The following DYNC1H1 variants were observed in gnomAD, a reference collection of about 807,000 sequenced individuals.
DYNC1H1 encodes cytoplasmic dynein 1 heavy chain 1.
A neutral mutation model predicts 527.1 loss-of-function variants in DYNC1H1; 51 were observed. That is an observed-to-expected ratio of 0.10 (90% CI 0.08 to 0.12). The LOEUF is 0.12. Among genes scored for constraint, DYNC1H1 ranks in the 10% least tolerant of loss-of-function variants. The pLI is 1.00. For synonymous variants in DYNC1H1, 2,189 were observed against 2,278.8 expected, an observed-to-expected ratio of 0.96 and a Z score of 1.12; for missense variants, 2,771 against 5,971.8, an observed-to-expected ratio of 0.46 and a Z score of 17.66.
Position 102,050,874 on chromosome 14 carries a change from C to T in DYNC1H1, c.*311C>T, listed in dbSNP as rs780123419. On this transcript the variant is annotated 3_prime_UTR_variant, in exon 78 of 78. Coordinates refer to ENST00000360184, the MANE Select transcript of DYNC1H1 (RefSeq NM_001376.5). ...CATGCTGCCCAGGGAGGGCAGCCCA[C>T]GGCAGCCATGCCCCTCCCCACCTCG... The T allele has an allele frequency of 6.4e-5, 25 of 392,082 alleles. No individual in the cohort carries two copies. In the Admixed American group the frequency reaches 7.7e-4, roughly 12 times the overall value. 24.3% of individuals were successfully genotyped at this position (392,082 alleles called of 1,614,324 possible). A position where few individuals can be genotyped will look rare whatever the true frequency, so the allele number is the denominator to read the frequency against.
At position 102,029,388 on chromosome 14, in the gene DYNC1H1, T is replaced by TCTAAGTCG; in HGVS notation, c.9469-151_9469-150insCTAAGTCG. 1 of 938,978 alleles carries TCTAAGTCG rather than the reference T, an allele frequency of 1.1e-6. No individual in the cohort carries two copies. The highest frequency in any genetic ancestry group is 1.6e-6 in the Non-Finnish European group (1 of 610,878). The allele number at this position is 938,978 out of a possible 1,614,324, so 58.2% of individuals were successfully genotyped here. The stretch of plus-strand genomic sequence containing the variant: ...TAAGGGGTATCTCGAAAGCTCTAAG[T>TCTAAGTCG]GGCTAAGCTGAGGCCCGACTCGAGT... On this transcript the variant is annotated intron_variant, in intron 48 of 77. Coordinates refer to ENST00000360184, the MANE Select transcript of DYNC1H1 (RefSeq NM_001376.5). This position sits in a 1 kb window ranked among gnomAD's most constrained non-coding sequence, Gnocchi z 5.3.
Position 102,051,128 on chromosome 14 carries a change from A to C in DYNC1H1, c.*565A>C. ...GAAATTAAATCAGGTGTGGTGGTGC[A>C]TGCCTGTAGTCCCAGCTACTTGAGG... On this transcript the variant is annotated 3_prime_UTR_variant, in exon 78 of 78. Coordinates refer to ENST00000360184, the MANE Select transcript of DYNC1H1 (RefSeq NM_001376.5). The C allele has an allele frequency of 5.1e-6, 1 of 196,274 alleles. No individual in the cohort carries two copies. The highest frequency in any genetic ancestry group is 9.7e-5 in the South Asian group (1 of 10,258). The allele number at this position is 196,274 out of a possible 1,614,324, so 12.2% of individuals were successfully genotyped here.
In DYNC1H1 at chr14:102,041,511, CAGGGG is replaced by C; in HGVS notation, c.11942-58_11942-54del. On this transcript the variant is annotated intron_variant, in intron 64 of 77. Coordinates refer to ENST00000360184, the MANE Select transcript of DYNC1H1 (RefSeq NM_001376.5). This position sits in a 1 kb window ranked among gnomAD's most constrained non-coding sequence, Gnocchi z 4.5. Reference sequence around the variant, plus strand: ...GGTACTTTGGGAAGAACAGTCCAGGCAGGGGAGGGCGTCTCTGAGTCCATGCTTCC... The same window carrying C: ...GGTACTTTGGGAAGAACAGTCCAGGCAGGGCGTCTCTGAGTCCATGCTTCC... 3.7e-6 allele frequency: 6 copies of C among 1,610,276 alleles called. No individual in the cohort carries two copies. The highest frequency in any genetic ancestry group is 5.1e-6 in the Non-Finnish European group (6 of 1,178,204).
At position 101,983,456 on chromosome 14, in the gene DYNC1H1, C is replaced by T. The variant is rs147531912; in HGVS notation, c.1308C>T (p.Asp436=). Reference sequence around the variant, plus strand: ...AGAAACTTCAGGTATTGTTGAGAGACATCGTCAAAAGAAAAAGGGAAGAAA... The same window carrying T: ...AGAAACTTCAGGTATTGTTGAGAGATATCGTCAAAAGAAAAAGGGAAGAAA... ...EYEKLQVLLR[D]IVKRKREENL... Residue 436 remains aspartate, a synonymous_variant, in exon 7 of 78, where the codon GAC becomes GAT. Coordinates refer to ENST00000360184, the MANE Select transcript of DYNC1H1 (RefSeq NM_001376.5). The surrounding 1 kb of genome is among the most constrained non-coding windows in gnomAD (Gnocchi z 5.3). The T allele has an allele frequency of 2.9e-5, 47 of 1,613,922 alleles. No individual in the cohort carries two copies. In the African/African-American group the frequency reaches 4.8e-4, roughly 17 times the overall value.
chr14:102,003,827 G>A (rs909786788), intron 23 of DYNC1H1, among the ~76,000 whole-genome samples: 1 of 152,184 alleles, frequency 6.6e-6, no homozygotes, highest in African/African-American at 2.4e-5. Context: ...TCAGGAGGCT[G>A]TGGCTAGAGA....
chr14:101,996,329 C>T (rs528547312), intron 15 of DYNC1H1, among the ~76,000 whole-genome samples: 158 of 151,834 alleles, frequency 1.0e-3, no homozygotes, highest in Non-Finnish European at 2.0e-3. Context: ...GGGGTTTCTC[C>T]TTGTTGGCCA....
chr14:102,003,092 A>C, intron 23 of DYNC1H1, 127 bp downstream of exon 23: 1 of 1,218,228 alleles, frequency 8.2e-7, no homozygotes, highest in Non-Finnish European at 1.2e-6. Context: ...GTTAGCCAAT[A>C]ATACATATAA....
In DYNC1H1 at chr14:102,053,436, TTTG is replaced by T. The variant is rs918796008; in HGVS notation, c.*2876_*2878del. 1 of 149,542 alleles carries T rather than the reference TTTG, an allele frequency of 6.7e-6. No homozygotes were observed. The highest frequency in any genetic ancestry group is 1.5e-5 in the Non-Finnish European group (1 of 67,484). The allele number at this position is 149,542 out of a possible 1,614,324, so 9.3% of individuals were successfully genotyped here. ...GCCACCACGCCTGGCCGAATTTTTA[TTTG>T]TTTTTTGTTTGTTTTTGTTTTTTTT... is the stretch of plus-strand genomic sequence containing the variant. On this transcript the variant is annotated 3_prime_UTR_variant, in exon 78 of 78. Transcript: ENST00000360184.
chr14:101,975,311 A>C (rs2047788042), intron 1 of DYNC1H1, among the ~76,000 whole-genome samples: 1 of 152,228 alleles, frequency 6.6e-6, no homozygotes, highest in Admixed American at 6.5e-5. Context: ...GCTGAGCAGA[A>C]TATTCTTGAG....
rs1402817905 is a variant in DYNC1H1, at chr14:102,038,906, T to C, written c.11206+58T>C. ...GGTGCAGGGGAAGGGGCTGAACTTTTAAGTGACTAGGATGTTCCACGTTTG... is the reference window on the plus strand; with the variant it reads ...GGTGCAGGGGAAGGGGCTGAACTTTCAAGTGACTAGGATGTTCCACGTTTG... On this transcript the variant is annotated intron_variant, in intron 59 of 77. Coordinates refer to ENST00000360184, the MANE Select transcript of DYNC1H1 (RefSeq NM_001376.5). The surrounding 1 kb of genome is among the most constrained non-coding windows in gnomAD (Gnocchi z 7.2). 2 of 1,613,512 alleles carry C rather than the reference T, an allele frequency of 1.2e-6. No individual in the cohort carries two copies. The highest frequency in any genetic ancestry group is 1.7e-6 in the Non-Finnish European group (2 of 1,179,900).
Position 102,044,670 on chromosome 14 carries a change from C to T in DYNC1H1, c.12978C>T (p.Asn4326=), listed in dbSNP as rs146950724. ...QTPSWLGLPN[N]AERVLLTTQG... is the part of the protein sequence containing the mutation. Reference sequence around the variant, plus strand: ...CCTCCTGGCTGGGCCTGCCCAACAACGCCGAGAGAGTCCTCCTTACCACAC... The same window carrying T: ...CCTCCTGGCTGGGCCTGCCCAACAATGCCGAGAGAGTCCTCCTTACCACAC... Residue 4326 remains asparagine, a synonymous_variant, in exon 72 of 78, where the codon AAC becomes AAT. Coordinates refer to ENST00000360184, the MANE Select transcript of DYNC1H1 (RefSeq NM_001376.5). The surrounding 1 kb of genome is among the most constrained non-coding windows in gnomAD (Gnocchi z 7.1). 5.6e-6 allele frequency: 9 copies of T among 1,613,970 alleles called. No individual in the cohort carries two copies. Among genetic ancestry groups the T allele is most frequent in the African/African-American group, 5.3e-5 (4 of 74,938 alleles).
chr14:102,019,772 C>A, intron 41 of DYNC1H1, 121 bp from the exon 42 acceptor site: 1 of 1,305,620 alleles, frequency 7.7e-7, no homozygotes, highest in Admixed American at 1.8e-5. Context: ...CAGCTATCTT[C>A]TTAAATATTT....
chr14:102,006,750 C>T (rs964738430), intron 27 of DYNC1H1, among the ~76,000 whole-genome samples: 1 of 151,896 alleles, frequency 6.6e-6, no homozygotes, highest in African/African-American at 2.4e-5. Flanking sequence ...CAGGCGCCCA[C>T]CAACATGCCC....
chr14:102,025,031 C>T (rs1014820434), intron 43 of DYNC1H1, among the ~76,000 whole-genome samples: 16 of 150,432 alleles, frequency 1.1e-4, no homozygotes, highest in African/African-American at 3.9e-4. Flanking sequence ...GAAGAACAAA[C>T]GTTCTTAAAG....
At chr14:101,982,991 AC>A (rs752802349) in intron 5 of DYNC1H1, 27 bp from the exon 6 acceptor site, 6 of 1,604,842 alleles carry the variant, frequency 3.7e-6, no homozygotes, top group Non-Finnish European at 5.1e-6. Context: ...TTATGTGAAA[AC>A]CATTAACTCT....
intron 18 of DYNC1H1, chr14:102,000,678 G>T (rs7158912): frequency 2.0e-6 from 1 of 489,966 alleles, no homozygotes; most frequent in South Asian, 2.0e-5. Flanking sequence ...GGGTTCAAGC[G>T]ATTCTCCTGC....
intron 42 of DYNC1H1, among the ~76,000 whole-genome samples, chr14:102,021,050 C>A (rs2048378256): frequency 6.6e-6 from 1 of 152,002 alleles, no homozygotes; most frequent in African/African-American, 2.4e-5. Flanking sequence ...GTTATTGTTG[C>A]TATGTCAGCT....
At position 102,010,671 on chromosome 14, in the gene DYNC1H1, C is replaced by A; in HGVS notation, c.6406-69C>A. On this transcript the variant is annotated intron_variant, in intron 31 of 77. Transcript: ENST00000360184. The surrounding 1 kb of genome is among the most constrained non-coding windows in gnomAD (Gnocchi z 6.0). ...TCACCAACAGTTACTGATCACGCAC[C>A]TCCTGGGGATGCAGCGGGCAGTACT... 6.3e-7 allele frequency: 1 copy of A among 1,597,150 alleles called. No homozygotes were observed. Among genetic ancestry groups the A allele is most frequent in the East Asian group, 2.2e-5 (1 of 44,726 alleles).
chr14:102,038,388 A>C lies in DYNC1H1; in HGVS notation c.10909-72A>C. 6.3e-7 allele frequency: 1 copy of C among 1,595,562 alleles called. No individual in the cohort carries two copies. The highest frequency in any genetic ancestry group is 8.5e-7 in the Non-Finnish European group (1 of 1,174,740). On this transcript the variant is annotated intron_variant, in intron 57 of 77. Coordinates refer to ENST00000360184, the MANE Select transcript of DYNC1H1 (RefSeq NM_001376.5). The surrounding 1 kb of genome is among the most constrained non-coding windows in gnomAD (Gnocchi z 7.2). ...AAGGTATGCTTATCCAGAGTAGGAC[A>C]GCAACATAGCATTTGGGTGAAGATA...
Sources: allele counts gnomAD v4.1 joint callset (sites outside exome capture counted in the v4.1 genomes callset), GRCh38; gene constraint gnomAD v4.1.1; non-coding constraint Gnocchi (gnomAD v3.1); transcripts MANE v1.5; gene names NCBI Gene and HGNC (gene_info 2026-07-23, HGNC 2026-07-21).